The following CCDC85C variants were observed in gnomAD, a reference collection of about 807,000 sequenced individuals.
The protein encoded by CCDC85C is coiled-coil domain containing 85C, also known as coiled-coil domain-containing protein 85C.
Under a neutral mutation model 38.3 loss-of-function variants are expected in CCDC85C, and 18 were observed. That is an observed-to-expected ratio of 0.47 (90% CI 0.33 to 0.70). The LOEUF (loss-of-function observed/expected upper bound fraction) is 0.70, where lower values mean the gene tolerates loss of function less well. CCDC85C is among the 30% of genes least tolerant of loss of function. The probability of loss-of-function intolerance (pLI) is 0.03; values close to 1 mark genes in which losing one functional copy is unlikely to be tolerated. For missense variants in CCDC85C, 566 were observed against 621.2 expected (o/e 0.91, Z 0.94); for synonymous variants, 264 against 293.8 (o/e 0.90, Z 1.04).
intron 1 of CCDC85C, among the ~76,000 whole-genome samples, chr14:99,577,758 A>C (rs1898516534): frequency 7.9e-6 from 1 of 126,226 alleles, no homozygotes; most frequent in African/African-American, 3.2e-5. Flanking sequence ...GTGTGTACAC[A>C]TCTCCACACC....
chr14:99,528,766 T>C (rs2139909096), intron 2 of CCDC85C, among the ~76,000 whole-genome samples: 1 of 152,288 alleles, frequency 6.6e-6, no homozygotes, highest in South Asian at 2.1e-4. Context: ...CCAACTGGAT[T>C]TACTTTCTTT....
intron 2 of CCDC85C, among the ~76,000 whole-genome samples, chr14:99,528,839 G>C (rs1002642276): frequency 6.6e-6 from 1 of 152,210 alleles, no homozygotes; most frequent in Admixed American, 6.5e-5. Flanking sequence ...GGGCGTGTTA[G>C]GGGGACGAGG....
At chr14:99,564,245 G>A (rs991410594) in intron 1 of CCDC85C, among the ~76,000 whole-genome samples, 2 of 152,228 alleles carry the variant, frequency 1.3e-5, no homozygotes, top group Non-Finnish European at 2.9e-5. Flanking sequence ...ACCCACTGCT[G>A]CGTCCTTGCT....
intron 1 of CCDC85C, chr14:99,573,117 C>A (rs193086728): frequency 3.4e-6 from 1 of 295,056 alleles, no homozygotes. Flanking sequence ...GGGACTCAGG[C>A]GTGCAGCTGC....
At chr14:99,565,919 G>A (rs4905856) in intron 1 of CCDC85C, among the ~76,000 whole-genome samples, 83,376 of 151,722 alleles carry the variant, frequency 0.55, 23,123 homozygotes, top group African/African-American at 0.62. Context: ...TGCAGGGGAC[G>A]GTGGCTTTCA....
intron 1 of CCDC85C, among the ~76,000 whole-genome samples, chr14:99,568,390 A>G (rs2400746): frequency 0.58 from 87,346 of 151,266 alleles, 25,867 homozygotes; most frequent in African/African-American, 0.72. Context: ...CCAGGTCCCC[A>G]GACCCCTCCT....
rs1164929573 is a variant in CCDC85C, at chr14:99,507,302, C to G, written c.*7944G>C. On this transcript the variant is annotated 3_prime_UTR_variant, in exon 6 of 6. Coordinates refer to ENST00000380243, the MANE Select transcript of CCDC85C (RefSeq NM_001144995.2). The stretch of plus-strand genomic sequence containing the variant: ...TTTGCAAAATTGTTCTTGGGCTGGG[C>G]ACAATGGCTTGTGTTTTTGATCCCA... The G allele has an allele frequency of 4.5e-6, 3 of 667,446 alleles. No homozygotes were observed. The highest frequency in any genetic ancestry group is 8.1e-6 in the Non-Finnish European group (3 of 369,016). The allele number at this position is 667,446 out of a possible 1,614,324, so 41.3% of individuals were successfully genotyped here.
At chr14:99,531,849 T>C (rs8015589) in intron 2 of CCDC85C, among the ~76,000 whole-genome samples, 6,760 of 152,308 alleles carry the variant, frequency 0.044, 495 homozygotes, top group African/African-American at 0.15. Flanking sequence ...TTCAAGGCTG[T>C]GAACTCTTTC....
chr14:99,522,182 T>A lies in CCDC85C; in HGVS notation c.926A>T (p.Glu309Val), dbSNP rs1278969758. 6.4e-7 allele frequency: 1 copy of A among 1,551,020 alleles called. No individual in the cohort carries two copies. The highest frequency in any genetic ancestry group is 8.7e-7 in the Non-Finnish European group (1 of 1,146,924). The change falls in exon 3 of 6, where the codon GAG becomes GTG. Residue 309 changes from glutamate (E) to valine (V), a missense_variant. Around this residue, in one of 3 missense-constraint regions of CCDC85C, gnomAD observed 286 missense variants for 276.4 expected, o/e 1.03. Coordinates refer to ENST00000380243, the MANE Select transcript of CCDC85C (RefSeq NM_001144995.2). ...LRKGFSPYHS[E>V]SQLASLPPSY... Reference sequence around the variant, plus strand: ...GGGCGGCAGGGACGCAAGCTGGGACTCCGAGTGGTAGGGCGAGAAGCCTTT... The same window carrying A: ...GGGCGGCAGGGACGCAAGCTGGGACACCGAGTGGTAGGGCGAGAAGCCTTT...
chr14:99,516,242 G>A lies in CCDC85C; in HGVS notation c.1116C>T (p.Ser372=), dbSNP rs950385168. The A allele has an allele frequency of 6.4e-7, 1 of 1,551,142 alleles. No individual in the cohort carries two copies. The highest frequency in any genetic ancestry group is 8.7e-7 in the Non-Finnish European group (1 of 1,146,950). The change falls in exon 5 of 6, where the codon AGC becomes AGT. Residue 372 remains serine, a synonymous_variant. Transcript: ENST00000380243. The surrounding 1 kb of genome is among the most constrained non-coding windows in gnomAD (Gnocchi z 5.5). ...CCTTCTCACTCAGGTCCTCCTCACA[G>A]CTGTCCTGGAGCTGCCGGTCCAGAT... ...HENLDRQLQD[S]CEEDLSEKEK...
chr14:99,560,827 G>A (rs1461166105), intron 1 of CCDC85C, among the ~76,000 whole-genome samples: 2 of 152,234 alleles, frequency 1.3e-5, no homozygotes, highest in Non-Finnish European at 2.9e-5. Flanking sequence ...ACCTCTGCCC[G>A]ATACCAGGGC....
chr14:99,585,942 C>T (rs2055021052), intron 1 of CCDC85C, among the ~76,000 whole-genome samples: 1 of 152,228 alleles, frequency 6.6e-6, no homozygotes, highest in Non-Finnish European at 1.5e-5. Flanking sequence ...TCTGCTGTCC[C>T]TTTCTGGGCA....
At chr14:99,602,179 C>T (rs2055205939) in intron 1 of CCDC85C, among the ~76,000 whole-genome samples, 1 of 152,182 alleles carries the variant, frequency 6.6e-6, no homozygotes, top group African/African-American at 2.4e-5. Flanking sequence ...CAGGGAGGCC[C>T]CGGATCCACC....
intron 1 of CCDC85C, among the ~76,000 whole-genome samples, chr14:99,601,382 C>T (rs1025728972): frequency 2.6e-5 from 4 of 152,136 alleles, no homozygotes; most frequent in African/African-American, 7.2e-5. Context: ...TATTCACTGT[C>T]GCAGCTGACA....
In CCDC85C at chr14:99,545,292, G is replaced by A. The variant is rs1897785436; in HGVS notation, c.794-9204C>T. On this transcript the variant is annotated intron_variant, in intron 1 of 5. Coordinates refer to ENST00000380243, the MANE Select transcript of CCDC85C (RefSeq NM_001144995.2). The surrounding 1 kb of genome is among the most constrained non-coding windows in gnomAD (Gnocchi z 4.7). ...ATTTAATTCCAGGAAAAGCCACGAG[G>A]CTTCCCAATGACACTGCAATGTGGA... Among the ~76,000 whole-genome samples, 1 of 152,076 alleles carries A rather than the reference G, an allele frequency of 6.6e-6. No individual in the cohort carries two copies. Among genetic ancestry groups the A allele is most frequent in the Non-Finnish European group, 1.5e-5 (1 of 68,034 alleles).
chr14:99,512,200 G>T lies in CCDC85C; in HGVS notation c.*3046C>A, dbSNP rs537328724. ...CGTCAGAGTGGTTGAATAGAAGGTAGAAACAGGCCGGGAGTCCACGGGCTC... is the reference window on the plus strand; with the variant it reads ...CGTCAGAGTGGTTGAATAGAAGGTATAAACAGGCCGGGAGTCCACGGGCTC... On this transcript the variant is annotated 3_prime_UTR_variant, in exon 6 of 6. Transcript: ENST00000380243. 6.6e-6 allele frequency: 1 copy of T among 152,208 alleles called. No individual in the cohort carries two copies. The highest frequency in any genetic ancestry group is 1.5e-5 in the Non-Finnish European group (1 of 68,038). The allele number at this position is 152,208 out of a possible 1,614,324, so 9.4% of individuals were successfully genotyped here. A position where few individuals can be genotyped will look rare whatever the true frequency, so the allele number is the denominator to read the frequency against.
intron 1 of CCDC85C, among the ~76,000 whole-genome samples, chr14:99,586,838 C>T (rs2055032415): frequency 2.0e-5 from 3 of 152,162 alleles, no homozygotes; most frequent in African/African-American, 7.2e-5. Context: ...CAAGGCCCCC[C>T]GGCCAGAGGA....
chr14:99,516,479 T>TA lies in CCDC85C; in HGVS notation c.1072-194dup, dbSNP rs1452606807. Reference sequence around the variant, plus strand: ...CTCACCCTGCTGACACTGGATGCCCTACAAGGGAAGCAGCTCATGGCTGGG... The same window carrying TA: ...CTCACCCTGCTGACACTGGATGCCCTAACAAGGGAAGCAGCTCATGGCTGGG... On this transcript the variant is annotated intron_variant, in intron 4 of 5. Coordinates refer to ENST00000380243, the MANE Select transcript of CCDC85C (RefSeq NM_001144995.2). The surrounding 1 kb of genome is among the most constrained non-coding windows in gnomAD (Gnocchi z 5.5). Among the ~76,000 whole-genome samples the TA allele has an allele frequency of 2.0e-5, 3 of 152,032 alleles. No individual in the cohort carries two copies. Among genetic ancestry groups the TA allele is most frequent in the African/African-American group, 4.8e-5 (2 of 41,396 alleles).
chr14:99,592,737 A>G (rs569790009), intron 1 of CCDC85C, among the ~76,000 whole-genome samples: 120 of 152,314 alleles, frequency 7.9e-4, no homozygotes, highest in African/African-American at 2.9e-3. Context: ...GCAGAGCAGT[A>G]GACAGGAGGG....
Sources: allele counts gnomAD v4.1 joint callset (sites outside exome capture counted in the v4.1 genomes callset), GRCh38; gene constraint gnomAD v4.1.1; regional missense constraint gnomAD v4.1.1; non-coding constraint Gnocchi (gnomAD v3.1); transcripts MANE v1.5; gene names NCBI Gene and HGNC (gene_info 2026-07-23, HGNC 2026-07-21).